Variants in CLDN2 observed in about 807,000 individuals in gnomAD.
CLDN2 encodes the protein claudin-2.
CLDN2 carries 1 observed loss-of-function variant against 8.2 expected under a neutral mutation model. The ratio of observed to expected loss-of-function variants is 0.12; its 90% CI spans 0.04 to 0.58. The LOEUF is 0.58. CLDN2 is among the 20% of genes least tolerant of loss of function. The pLI is 0.90. For synonymous variants in CLDN2, 70 were observed against 70.2 expected (o/e 1.00, Z 0.01); for missense variants, 108 against 172.9 (o/e 0.62, Z 2.11).
intron 1 of CLDN2, chrX:106,903,381 T>C: frequency 1.1e-6 from 1 of 926,669 alleles, no homozygotes; most frequent in Non-Finnish European, 1.5e-6. Flanking sequence ...AAGCCCTGCC[T>C]GGTCTTATAA....
Position 106,930,660 on chromosome X carries a change from C to T in CLDN2, c.*1739C>T, listed in dbSNP as rs1241616633. Reference sequence around the variant, plus strand: ...TCTCCTACCCCTCCCTCCCCCAACCCTCAATGTATAAATTGCTTCTTGATG... The same window carrying T: ...TCTCCTACCCCTCCCTCCCCCAACCTTCAATGTATAAATTGCTTCTTGATG... On this transcript the variant is annotated 3_prime_UTR_variant, in exon 2 of 2. Coordinates refer to ENST00000336803, the MANE Select transcript of CLDN2 (RefSeq NM_020384.4). The T allele has an allele frequency of 8.1e-6, 1 of 122,815 alleles. No individual in the cohort carries two copies. The highest frequency in any genetic ancestry group is 3.3e-5 in the African/African-American group (1 of 30,674). The allele number at this position is 122,815 out of a possible 1,213,427, so 10.1% of individuals were successfully genotyped here.
intron 1 of CLDN2, among the ~76,000 whole-genome samples, chrX:106,907,693 T>G: frequency 1.0e-5 from 1 of 95,909 alleles, no homozygotes; most frequent in East Asian, 3.2e-4. Context: ...AGAGCGAGAC[T>G]CCGTCTCAAA....
chrX:106,926,952 G>A (rs922561611), intron 1 of CLDN2, among the ~76,000 whole-genome samples: 27 of 102,968 alleles, frequency 2.6e-4, no homozygotes, highest in African/African-American at 8.6e-4. Flanking sequence ...GTGTGGTGAT[G>A]CGCTCCTGTA....
intron 1 of CLDN2, among the ~76,000 whole-genome samples, chrX:106,921,140 C>T (rs1218908618): frequency 8.9e-6 from 1 of 112,269 alleles, no homozygotes; most frequent in African/African-American, 3.2e-5. Flanking sequence ...CACTTATGGC[C>T]GGGGAGATCG....
chrX:106,901,497 T>C, intron 1 of CLDN2: 1 of 1,211,643 alleles, frequency 8.3e-7, no homozygotes, highest in Non-Finnish European at 1.1e-6. Flanking sequence ...GGAACTTGGA[T>C]TCAGCCTTGG....
chrX:106,901,705 G>A (rs984598288), intron 1 of CLDN2, among the ~76,000 whole-genome samples: 6 of 111,623 alleles, frequency 5.4e-5, no homozygotes, highest in Non-Finnish European at 7.5e-5. Context: ...GGTCTCTCTT[G>A]GTTCTGGTTG....
At chrX:106,907,630 G>T (rs1351550684) in intron 1 of CLDN2, among the ~76,000 whole-genome samples, 1 of 109,253 alleles carries the variant, frequency 9.2e-6, no homozygotes, top group African/African-American at 3.3e-5. Flanking sequence ...GAACCCAGGA[G>T]GTGGAGGTTG....
chrX:106,910,966 A>G (rs553475790), intron 1 of CLDN2, among the ~76,000 whole-genome samples: 2 of 112,429 alleles, frequency 1.8e-5, no homozygotes, highest in Admixed American at 9.4e-5. Flanking sequence ...GAAATAGTGC[A>G]TGGATTTTGC....
upstream of CLDN2, chrX:106,920,293 A>G (rs1228309479): frequency 2.8e-5 from 3 of 107,619 alleles, no homozygotes; most frequent in African/African-American, 6.8e-5. Flanking sequence ...ACACACACAG[A>G]AAACCCACCA....
Position 106,928,938 on chromosome X carries a change from G to C in CLDN2, c.*17G>C. On this transcript the variant is annotated 3_prime_UTR_variant, in exon 2 of 2. Transcript: ENST00000336803. ...TATGTGTGAAGAACCAGGGGCCAGA[G>C]CTGGGGGGTGGCTGGGTCTGTGAAA... 8.4e-7 allele frequency: 1 copy of C among 1,185,279 alleles called. No homozygotes were observed. Among genetic ancestry groups the C allele is most frequent in the Non-Finnish European group, 1.1e-6 (1 of 874,977 alleles).
At chrX:106,905,915 C>G (rs1933172987) in intron 1 of CLDN2, among the ~76,000 whole-genome samples, 1 of 111,758 alleles carries the variant, frequency 8.9e-6, no homozygotes, top group Admixed American at 9.4e-5. Context: ...GCCCAGGGAG[C>G]CTTCAGACCT....
Position 106,930,570 on chromosome X carries a change from C to G in CLDN2, c.*1649C>G. 1 of 124,940 alleles carries G rather than the reference C, an allele frequency of 8.0e-6. No individual in the cohort carries two copies. The allele number at this position is 124,940 out of a possible 1,213,427, so 10.3% of individuals were successfully genotyped here. On this transcript the variant is annotated 3_prime_UTR_variant, in exon 2 of 2. Coordinates refer to ENST00000336803, the MANE Select transcript of CLDN2 (RefSeq NM_020384.4). Reference sequence around the variant, plus strand: ...GCCGTCTCCCCTTAGCCAAGTCCTCCTCAGGCTTGGAGAACTTCCTCAGCG... The same window carrying G: ...GCCGTCTCCCCTTAGCCAAGTCCTCGTCAGGCTTGGAGAACTTCCTCAGCG...
chrX:106,925,507 AATGGCAAGAG>A (rs1933452829), intron 1 of CLDN2, among the ~76,000 whole-genome samples: 1 of 112,616 alleles, frequency 8.9e-6, no homozygotes, highest in East Asian at 2.8e-4. Context: ...TGAGGAGGGA[AATGGCAAGAG>A]ATGAAGCTTG....
At chrX:106,927,485 T>C (rs1261346108) in intron 1 of CLDN2, among the ~76,000 whole-genome samples, 1 of 110,695 alleles carries the variant, frequency 9.0e-6, no homozygotes, top group Non-Finnish European at 1.9e-5. Flanking sequence ...CAGAGGGGGA[T>C]TTGGGCATGG....
Position 106,929,945 on chromosome X carries a change from T to A in CLDN2, c.*1024T>A, listed in dbSNP as rs1933525787. 8.1e-6 allele frequency: 1 copy of A among 123,292 alleles called. No homozygotes were observed. Among genetic ancestry groups the A allele is most frequent in the Non-Finnish European group, 1.9e-5 (1 of 53,182 alleles). The allele number at this position is 123,292 out of a possible 1,213,427, so 10.2% of individuals were successfully genotyped here. A position where few individuals can be genotyped will look rare whatever the true frequency, so the allele number is the denominator to read the frequency against. On this transcript the variant is annotated 3_prime_UTR_variant, in exon 2 of 2. Transcript: ENST00000336803. The stretch of plus-strand genomic sequence containing the variant: ...CTGTGGGGTACTGAGGAAGACACCA[T>A]TCCTTGACGGTGTCTAAGAAGCCAG...
chrX:106,908,334 T>C (rs1039590334), intron 1 of CLDN2, among the ~76,000 whole-genome samples: 1 of 111,384 alleles, frequency 9.0e-6, no homozygotes, highest in African/African-American at 3.3e-5. Context: ...CTATAGAAAA[T>C]GTCCAAACTC....
At chrX:106,905,001 T>C (rs973288209) in intron 1 of CLDN2, among the ~76,000 whole-genome samples, 3 of 111,668 alleles carry the variant, frequency 2.7e-5, no homozygotes, top group Non-Finnish European at 5.6e-5. Flanking sequence ...TCTAAAAAGT[T>C]CCACAATGAA....
At chrX:106,914,090 T>G (rs1212103666), upstream of CLDN2, among the ~76,000 whole-genome samples, 3 of 107,598 alleles carry the variant, frequency 2.8e-5, no homozygotes, top group East Asian at 8.9e-4. Context: ...GCAGCTGGGA[T>G]TACAGGCACA....
At chrX:106,902,376 C>T (rs771387797) in intron 1 of CLDN2, among the ~76,000 whole-genome samples, 1 of 112,168 alleles carries the variant, frequency 8.9e-6, no homozygotes, top group Non-Finnish European at 1.9e-5. Flanking sequence ...TCCCTCCTCT[C>T]GGCTTCAGCA....
Sources: allele counts gnomAD v4.1 joint callset (sites outside exome capture counted in the v4.1 genomes callset), GRCh38; gene constraint gnomAD v4.1.1; transcripts MANE v1.5; gene names NCBI Gene and HGNC (gene_info 2026-07-23, HGNC 2026-07-21).